ANO3: variants seen among roughly 807,000 people sequenced by gnomAD.
ANO3 encodes the protein anoctamin 3.
Under a neutral mutation model 144.8 loss-of-function variants are expected in ANO3, and 99 were observed. The ratio of observed to expected loss-of-function variants is 0.68; its 90% CI spans 0.58 to 0.81. ANO3 has a LOEUF of 0.81. Ranked by LOEUF, ANO3 falls within the 30% of genes least tolerant of loss-of-function variation. The pLI, the probability that ANO3 is intolerant of heterozygous loss-of-function variation, is 0.00. For missense variants in ANO3, 905 were observed against 1,202.2 expected, an observed-to-expected ratio of 0.75 and a Z score of 3.66; for synonymous variants, 414 against 392.6, an observed-to-expected ratio of 1.05 and a Z score of -0.64.
chr11:26,536,561 A>C (rs1590482483), intron 9 of ANO3, among the ~76,000 whole-genome samples: 1 of 151,972 alleles, frequency 6.6e-6, no homozygotes, highest in African/African-American at 2.4e-5. Flanking sequence ...GTGTGTGTAC[A>C]TATAAATTAG....
intron 4 of ANO3, among the ~76,000 whole-genome samples, chr11:26,469,069 G>A (rs893883454): frequency 4.6e-5 from 7 of 151,698 alleles, no homozygotes; most frequent in African/African-American, 9.7e-5. Flanking sequence ...AAGTAATCTC[G>A]TCCTGTTTTC....
intron 1 of ANO3, among the ~76,000 whole-genome samples, chr11:26,224,319 T>C (rs1470841797): frequency 6.6e-6 from 1 of 152,216 alleles, no homozygotes; most frequent in Non-Finnish European, 1.5e-5. Flanking sequence ...GTTTACAGTC[T>C]TCCAGTGTGT....
At chr11:26,487,837 C>A (rs930262009) in intron 4 of ANO3, among the ~76,000 whole-genome samples, 1 of 152,130 alleles carries the variant, frequency 6.6e-6, no homozygotes, top group African/African-American at 2.4e-5. Context: ...TTCTAAGCAG[C>A]AAAGCATTCA....
intron 1 of ANO3, among the ~76,000 whole-genome samples, chr11:26,272,135 A>G (rs78454294): frequency 0.02 from 3,021 of 152,164 alleles, 58 homozygotes; most frequent in East Asian, 0.12. Flanking sequence ...CTGATCCCCC[A>G]CAGTTCTTGC....
At chr11:26,524,564 G>GA (rs1849116026) in intron 6 of ANO3, among the ~76,000 whole-genome samples, 2 of 152,208 alleles carry the variant, frequency 1.3e-5, no homozygotes, top group Admixed American at 6.5e-5. Context: ...GAATTTTAGT[G>GA]ATGGGGATAA....
At chr11:26,658,071 G>C (rs1381102510) in intron 26 of ANO3, among the ~76,000 whole-genome samples, 1 of 151,808 alleles carries the variant, frequency 6.6e-6, no homozygotes, top group Non-Finnish European at 1.5e-5. Flanking sequence ...CATTTCCCCA[G>C]TGTTTTTCTT....
intron 5 of ANO3, 138 bp downstream of exon 5, chr11:26,508,400 C>A (rs893830000): frequency 7.0e-5 from 46 of 661,226 alleles, no homozygotes; most frequent in Non-Finnish European, 1.1e-4. Flanking sequence ...TAAATAAATA[C>A]ATGCACATAG....
intron 1 of ANO3, among the ~76,000 whole-genome samples, chr11:26,265,650 G>A (rs1232083913): frequency 6.6e-6 from 1 of 152,132 alleles, no homozygotes; most frequent in Non-Finnish European, 1.5e-5. Context: ...CTATAGACAA[G>A]TAGAATTCTA....
At chr11:26,353,318 T>A (rs1855694551) in intron 1 of ANO3, among the ~76,000 whole-genome samples, 1 of 152,192 alleles carries the variant, frequency 6.6e-6, no homozygotes, top group Non-Finnish European at 1.5e-5. Context: ...TTTGGTCCAG[T>A]TGGTCTTAGC....
At chr11:26,567,030 T>G (rs1205737687) in intron 14 of ANO3, 1 of 1,474,698 alleles carries the variant, frequency 6.8e-7, no homozygotes, top group Non-Finnish European at 9.0e-7. Context: ...AAGTTTACAG[T>G]ATCATCTTAT....
chr11:26,280,509 T>C (rs1170082275), intron 1 of ANO3, among the ~76,000 whole-genome samples: 2 of 152,170 alleles, frequency 1.3e-5, no homozygotes, highest in Non-Finnish European at 2.9e-5. Flanking sequence ...AGGGGAAACA[T>C]GTAGGCAGGA....
chr11:26,272,895 T>C (rs1214004468), intron 1 of ANO3, among the ~76,000 whole-genome samples: 3 of 152,176 alleles, frequency 2.0e-5, no homozygotes, highest in African/African-American at 7.2e-5. Context: ...ACTGCCCTTC[T>C]CTGCCCTTAT....
At chr11:26,363,138 T>A (rs1322567158) in intron 1 of ANO3, among the ~76,000 whole-genome samples, 1 of 152,204 alleles carries the variant, frequency 6.6e-6, no homozygotes. Flanking sequence ...TTTAGTTCTT[T>A]TTTCATCCTT....
chr11:26,443,339 C>A (rs891967315), intron 2 of ANO3, among the ~76,000 whole-genome samples: 2 of 152,082 alleles, frequency 1.3e-5, no homozygotes, highest in African/African-American at 4.8e-5. Flanking sequence ...TGATGGCTCA[C>A]GACTGTAATC....
At chr11:26,460,287 G>C (rs1043514052) in intron 3 of ANO3, among the ~76,000 whole-genome samples, 6 of 151,306 alleles carry the variant, frequency 4.0e-5, no homozygotes, top group Admixed American at 4.0e-4. Flanking sequence ...CAACTTTTAG[G>C]TTCAAGAGGT....
chr11:26,391,983 C>T (rs575738865), intron 1 of ANO3, among the ~76,000 whole-genome samples: 170 of 494 alleles, frequency 0.34, 1 homozygote, highest in African/African-American at 0.43. Flanking sequence ...CAAAAAATGT[C>T]GGAAAACAAC....
rs764386069 is a variant in ANO3 at position 26,660,225 on chromosome 11, T to G, written c.2764-37T>G. On this transcript the variant is annotated intron_variant, in intron 26 of 26. Transcript: ENST00000256737. ...CTGTTTTATAATTAGCATTTCAGAA[T>G]CTTTGAAAACTGTCCTTTTCACATT... 7 of 1,586,102 alleles carry G rather than the reference T, an allele frequency of 4.4e-6. No homozygotes were observed. The African/African-American group carries it at 9.4e-5, about 21-fold the overall frequency.
At chr11:26,481,246 G>A (rs2134088378) in intron 4 of ANO3, among the ~76,000 whole-genome samples, 1 of 152,260 alleles carries the variant, frequency 6.6e-6, no homozygotes, top group East Asian at 1.9e-4. Context: ...TGTGAAACGG[G>A]AAGTGAGGTT....
intron 14 of ANO3, chr11:26,561,213 T>A: frequency 5.6e-6 from 9 of 1,604,420 alleles, no homozygotes; most frequent in Non-Finnish European, 7.7e-6. Flanking sequence ...CGGTGCATTG[T>A]CTAATCGCAG....
Sources: allele counts gnomAD v4.1 joint callset (sites outside exome capture counted in the v4.1 genomes callset), GRCh38; gene constraint gnomAD v4.1.1; transcripts MANE v1.5; gene names NCBI Gene and HGNC (gene_info 2026-07-23, HGNC 2026-07-21).